Variants in TMEM220 observed in about 807,000 individuals in gnomAD.
TMEM220 encodes transmembrane protein 220.
TMEM220 carries 21 observed loss-of-function variants against 21.7 expected under a neutral mutation model. The observed-to-expected ratio is 0.97, with a 90% confidence interval of 0.69 to 1.39. The LOEUF is 1.39. TMEM220 is among the 40% of genes most tolerant of loss of function. The pLI, the probability that TMEM220 is intolerant of heterozygous loss-of-function variation, is 0.00. For synonymous variants in TMEM220, 80 were observed against 73.6 expected, an observed-to-expected ratio of 1.09 and a Z score of -0.45; for missense variants, 191 against 201.9, an observed-to-expected ratio of 0.95 and a Z score of 0.33.
chr17:10,713,250 G>T (rs1179757708), downstream of TMEM220: 1 of 143,514 alleles, frequency 7.0e-6, no homozygotes, highest in Non-Finnish European at 1.5e-5. Context: ...CAGCCTGGGG[G>T]ACAGAGCAAG....
chr17:10,712,128 A>G (rs1597519892), downstream of TMEM220, among the ~76,000 whole-genome samples: 1 of 152,244 alleles, frequency 6.6e-6, no homozygotes, highest in Non-Finnish European at 1.5e-5. Context: ...TGGCATGGCC[A>G]TGCTCCCTGA....
intron 1 of TMEM220, 59 bp downstream of exon 1, chr17:10,729,721 T>G: frequency 3.1e-6 from 4 of 1,294,500 alleles, no homozygotes; most frequent in Non-Finnish European, 3.9e-6. Context: ...CACGGCCCGC[T>G]AGGCCAGGGG....
rs755089925 is a variant in TMEM220 at position 10,729,831 on chromosome 17, C to A, written c.21G>T (p.Arg7=). 3 of 1,399,908 alleles carry A rather than the reference C, an allele frequency of 2.1e-6. No individual in the cohort carries two copies. Among genetic ancestry groups the A allele is most frequent in the South Asian group, 1.5e-5 (1 of 66,704 alleles). 86.7% of individuals were successfully genotyped at this position (1,399,908 alleles called of 1,614,324 possible). Residue 7 remains arginine (R), a synonymous_variant, in exon 1 of 6, where the codon CGG becomes CGT. Transcript: ENST00000341871. MAPALW[R]ACNGLMAAFF... is the part of the protein sequence containing the mutation. ...AGGCGGCCATGAGTCCGTTGCAGGC[C>A]CGCCACAGCGCTGGCGCCATGGCTC...
chr17:10,711,221 T>A, downstream of TMEM220: 2 of 1,188,888 alleles, frequency 1.7e-6, no homozygotes, highest in Non-Finnish European at 2.3e-6. Flanking sequence ...ATCCTCTGTC[T>A]CATTGTTTAG....
intron 2 of TMEM220, among the ~76,000 whole-genome samples, 198 bp downstream of exon 2, chr17:10,728,833 C>G (rs1053904918): frequency 6.6e-6 from 1 of 152,102 alleles, no homozygotes; most frequent in African/African-American, 2.4e-5. Flanking sequence ...CCAGAAAGTT[C>G]GAAATTCACA....
chr17:10,721,869 AATTGCAAT>A (rs1296595531), intron 5 of TMEM220, among the ~76,000 whole-genome samples: 1 of 152,122 alleles, frequency 6.6e-6, no homozygotes, highest in Non-Finnish European at 1.5e-5. Context: ...TTGTTGTTAA[AATTGCAAT>A]ATTGTATTTC....
At chr17:10,718,437 A>AT (rs1254222571) in intron 5 of TMEM220, among the ~76,000 whole-genome samples, 2 of 151,170 alleles carry the variant, frequency 1.3e-5, no homozygotes, top group East Asian at 1.9e-4. Flanking sequence ...TTTTATGTTG[A>AT]TTTTTTATTT....
Position 10,715,186 on chromosome 17 carries a change from G to C in TMEM220, c.*267C>G, listed in dbSNP as rs2074896338. 1 of 266,400 alleles carries C rather than the reference G, an allele frequency of 3.8e-6. No individual in the cohort carries two copies. Among genetic ancestry groups the C allele is most frequent in the Non-Finnish European group, 7.0e-6 (1 of 142,870 alleles). The allele number at this position is 266,400 out of a possible 1,614,324, so 16.5% of individuals were successfully genotyped here. ...ATTACATAGTTACAAAGTTAAGTTA[G>C]AACTCGTATTTTTAAACTTCTATTC... On this transcript the variant is annotated 3_prime_UTR_variant, in exon 6 of 6. Coordinates refer to ENST00000341871, the MANE Select transcript of TMEM220 (RefSeq NM_001004313.3).
rs1365161269 is a variant in TMEM220 at position 10,729,923 on chromosome 17, C to T, written c.-72G>A. On this transcript the variant is annotated 5_prime_UTR_variant, in exon 1 of 6. Coordinates refer to ENST00000341871, the MANE Select transcript of TMEM220 (RefSeq NM_001004313.3). ...GCGGTGAGTCCTGCCACGTACGGTCCGCCTTCCTCCTTGCGCGGAGGGACC... is the reference window on the plus strand; with the variant it reads ...GCGGTGAGTCCTGCCACGTACGGTCTGCCTTCCTCCTTGCGCGGAGGGACC... The T allele has an allele frequency of 4.0e-6, 5 of 1,249,272 alleles. No individual in the cohort carries two copies. The African/African-American group carries it at 6.2e-5, about 15-fold the overall frequency. The allele number at this position is 1,249,272 out of a possible 1,614,324, so 77.4% of individuals were successfully genotyped here.
chr17:10,728,023 G>A (rs2075067632), intron 2 of TMEM220, among the ~76,000 whole-genome samples: 1 of 152,094 alleles, frequency 6.6e-6, no homozygotes, highest in Non-Finnish European at 1.5e-5. Flanking sequence ...AGCTGGGTGT[G>A]GTGGCGCATG....
intron 5 of TMEM220, chr17:10,716,195 G>C (rs2074918249): frequency 2.1e-5 from 19 of 884,522 alleles, no homozygotes; most frequent in Admixed American, 3.6e-5. Context: ...ACATCAATAA[G>C]GGAACCAATT....
chr17:10,723,230 C>T (rs180781724), intron 5 of TMEM220, 40 bp downstream of exon 5: 274 of 1,582,650 alleles, frequency 1.7e-4, no homozygotes, highest in African/African-American at 1.1e-3. Context: ...CTGCCCGCCT[C>T]GGCCTCCCAA....
intron 3 of TMEM220, 74 bp from the exon 4 acceptor site, chr17:10,725,208 G>C (rs1378524550): frequency 6.3e-7 from 1 of 1,583,484 alleles, no homozygotes; most frequent in Non-Finnish European, 8.6e-7. Flanking sequence ...CTTTTTGTAT[G>C]TTTTGCCATA....
downstream of TMEM220, chr17:10,711,207 A>G (rs2074851264): frequency 1.5e-6 from 2 of 1,323,368 alleles, no homozygotes; most frequent in South Asian, 1.4e-5. Context: ...ACAAAAAAAT[A>G]AAAATCCTCT....
intron 5 of TMEM220, among the ~76,000 whole-genome samples, chr17:10,722,986 T>TG (rs1236281437): frequency 7.1e-4 from 93 of 131,786 alleles, no homozygotes; most frequent in Non-Finnish European, 1.2e-3. Context: ...TGTGATTTCT[T>TG]TTTTTTTTTT....
intron 5 of TMEM220, among the ~76,000 whole-genome samples, chr17:10,722,017 C>G (rs450170): frequency 0.53 from 76,438 of 144,236 alleles, 21,075 homozygotes; most frequent in African/African-American, 0.7. Flanking sequence ...TTTTGAGATG[C>G]AGTCCTGCTC....
In TMEM220 at chr17:10,729,908, C is replaced by G; in HGVS notation, c.-57G>C. 2 of 1,271,276 alleles carry G rather than the reference C, an allele frequency of 1.6e-6. No individual in the cohort carries two copies. The highest frequency in any genetic ancestry group is 9.9e-7 in the Non-Finnish European group (1 of 1,005,816). The allele number at this position is 1,271,276 out of a possible 1,614,324, so 78.7% of individuals were successfully genotyped here. A position where few individuals can be genotyped will look rare whatever the true frequency, so the allele number is the denominator to read the frequency against. ...CCTGCCACGTGCGGGGCGGTGAGTC[C>G]TGCCACGTACGGTCCGCCTTCCTCC... On this transcript the variant is annotated 5_prime_UTR_variant, in exon 1 of 6. Coordinates refer to ENST00000341871, the MANE Select transcript of TMEM220 (RefSeq NM_001004313.3).
Position 10,713,702 on chromosome 17 carries a change from T to G in TMEM220, c.*1751A>C, listed in dbSNP as rs2074873835. 6.6e-6 allele frequency: 1 copy of G among 152,224 alleles called. No homozygotes were observed. 9.4% of individuals were successfully genotyped at this position (152,224 alleles called of 1,614,324 possible). A position where few individuals can be genotyped will look rare whatever the true frequency, so the allele number is the denominator to read the frequency against. ...AAGTTTCACTTTGACTGTTTTAATA[T>G]CAACTAGATTTGTTTTCCCCCTTTT... On this transcript the variant is annotated 3_prime_UTR_variant, in exon 6 of 6. Coordinates refer to ENST00000341871, the MANE Select transcript of TMEM220 (RefSeq NM_001004313.3).
At chr17:10,719,661 TGAGA>T (rs1281284565) in intron 5 of TMEM220, among the ~76,000 whole-genome samples, 2 of 152,156 alleles carry the variant, frequency 1.3e-5, no homozygotes, top group Non-Finnish European at 2.9e-5. Context: ...CATTACAACC[TGAGA>T]GAGAGAAGGT....
Sources: allele counts gnomAD v4.1 joint callset (sites outside exome capture counted in the v4.1 genomes callset), GRCh38; gene constraint gnomAD v4.1.1; transcripts MANE v1.5; gene names NCBI Gene and HGNC (gene_info 2026-07-23, HGNC 2026-07-21).